The following CDKL2 variants were observed in gnomAD, a reference collection of about 807,000 sequenced individuals.
CDKL2 encodes the protein cyclin dependent kinase like 2.
A neutral mutation model predicts 63.9 loss-of-function variants in CDKL2; 64 were observed. The ratio of observed to expected loss-of-function variants is 1.00; its 90% CI spans 0.82 to 1.23. The LOEUF is 1.23. Ranked by LOEUF, CDKL2 falls within the 50% of genes most tolerant of loss-of-function variation. The pLI is 0.00. For synonymous variants in CDKL2, 211 were observed against 229.2 expected, an observed-to-expected ratio of 0.92 and a Z score of 0.72; for missense variants, 656 against 668.0, an observed-to-expected ratio of 0.98 and a Z score of 0.20.
chr4:75,592,028 A>G, intron 11 of CDKL2, 103 bp from the exon 12 acceptor site: 1 of 1,267,726 alleles, frequency 7.9e-7, no homozygotes, highest in Non-Finnish European at 1.1e-6. Flanking sequence ...TTATTATAAC[A>G]GGTATTTACA....
At chr4:75,606,440 C>A (rs1729429167) in intron 4 of CDKL2, among the ~76,000 whole-genome samples, 1 of 152,138 alleles carries the variant, frequency 6.6e-6, no homozygotes, top group African/African-American at 2.4e-5. Flanking sequence ...GTCTTGAACT[C>A]CTGACCTCAT....
chr4:75,603,746 A>G, intron 6 of CDKL2, 71 bp downstream of exon 6: 1 of 457,524 alleles, frequency 2.2e-6, no homozygotes, highest in Non-Finnish European at 3.2e-6. Flanking sequence ...TAGACAAGTA[A>G]AAAAAAAAAA....
rs2148850496 is a variant in CDKL2, at chr4:75,576,993, CAA to C, written c.*2207_*2208del. Among the ~76,000 whole-genome samples, 1 of 152,182 alleles carries C rather than the reference CAA, an allele frequency of 6.6e-6. No homozygotes were observed. Among genetic ancestry groups the C allele is most frequent in the Admixed American group, 6.5e-5 (1 of 15,280 alleles). On this transcript the variant is annotated 3_prime_UTR_variant, in exon 14 of 14. Transcript: ENST00000307465. Reference sequence around the variant, plus strand: ...AAAATTAGCTTGCCATCCCTACATCCAAAGTTTTCCAGAAGAATTAACAGATT... The same window carrying C: ...AAAATTAGCTTGCCATCCCTACATCCAGTTTTCCAGAAGAATTAACAGATT...
intron 12 of CDKL2, among the ~76,000 whole-genome samples, chr4:75,584,412 C>G (rs1282954720): frequency 1.3e-5 from 2 of 152,154 alleles, no homozygotes; most frequent in Non-Finnish European, 2.9e-5. Flanking sequence ...CCCAACAACC[C>G]AAGTGAACCT....
chr4:75,603,694 G>A (rs1347131874), intron 6 of CDKL2, 123 bp downstream of exon 6: 2 of 677,306 alleles, frequency 3.0e-6, no homozygotes, highest in Non-Finnish European at 2.3e-6. Context: ...CAGCCTGTGT[G>A]ACAGAGCAAG....
At chr4:75,627,731 C>CTTT (rs57328528) in intron 1 of CDKL2, among the ~76,000 whole-genome samples, 1,263 of 86,002 alleles carry the variant, frequency 0.015, 38 homozygotes, top group Middle Eastern at 0.027. Context: ...CTTTTTTTTT[C>CTTT]TTTTTTTTTT....
intron 3 of CDKL2, among the ~76,000 whole-genome samples, chr4:75,611,458 C>CAA (rs71203834): frequency 2.0e-3 from 150 of 75,668 alleles, no homozygotes; most frequent in East Asian, 3.8e-3. Flanking sequence ...GATTCTGTCT[C>CAA]AAAAAAAAAA....
At position 75,603,920 on chromosome 4, in the gene CDKL2, T is replaced by C. The variant is rs1409447181; in HGVS notation, c.692A>G (p.Lys231Arg). Residue 231 changes from lysine (K) to arginine (R), a missense_variant, in exon 6 of 14, where the codon AAA (lysine) becomes AGA (arginine). Lys to Arg is a conservative substitution (Grantham distance 26, BLOSUM62 2). Transcript: ENST00000307465. ...CCTTACTCCAGCAAACACAGGATTTTTATTAAAAAGCTCCTGATGCCTTGG... is the reference window on the plus strand; with the variant it reads ...CCTTACTCCAGCAAACACAGGATTTCTATTAAAAAGCTCCTGATGCCTTGG... ...LIPRHQELFNKNPVFAGVRLP... is the reference protein window; with the variant it reads ...LIPRHQELFNRNPVFAGVRLP... 1.9e-6 allele frequency: 3 copies of C among 1,612,372 alleles called. No homozygotes were observed. Among genetic ancestry groups the C allele is most frequent in the African/African-American group, 2.7e-5 (2 of 74,780 alleles).
intron 3 of CDKL2, among the ~76,000 whole-genome samples, chr4:75,611,551 T>G (rs1729694349): frequency 6.6e-6 from 1 of 151,478 alleles, no homozygotes; most frequent in Non-Finnish European, 1.5e-5. Context: ...TTGAGACAAG[T>G]GTTCATAAGT....
At chr4:75,609,994 G>C (rs1189061965) in intron 3 of CDKL2, among the ~76,000 whole-genome samples, 2 of 151,822 alleles carry the variant, frequency 1.3e-5, no homozygotes, top group African/African-American at 4.8e-5. Context: ...ACGAGGTCAG[G>C]AGATCGAGAC....
At chr4:75,603,062 C>G (rs1432167753) in intron 6 of CDKL2, among the ~76,000 whole-genome samples, 4 of 138,266 alleles carry the variant, frequency 2.9e-5, no homozygotes, top group African/African-American at 5.4e-5. Context: ...TGCAGTGGCA[C>G]AATCTCGGCT....
chr4:75,611,627 T>C (rs1305150071), intron 3 of CDKL2, among the ~76,000 whole-genome samples: 1 of 151,918 alleles, frequency 6.6e-6, no homozygotes, highest in African/African-American at 2.4e-5. Flanking sequence ...GATATGTAAA[T>C]GTTCTGAAGC....
chr4:75,614,950 T>TATAGTATATATATATATGTATATTA (rs1560590504), intron 2 of CDKL2, among the ~76,000 whole-genome samples: 1 of 148,458 alleles, frequency 6.7e-6, no homozygotes, highest in African/African-American at 2.5e-5. Flanking sequence ...TATTCATATA[T>TATAGTATATATATATATGTATATTA]ATATATACAC....
chr4:75,596,993 C>T lies in CDKL2; in HGVS notation c.1264G>A (p.Val422Ile), dbSNP rs759516059. Reference sequence around the variant, plus strand: ...ATTCCAGAATTAATGCTGGGAGCAACTGCAGAAAGATTGTGTGTAAGTGGG... The same window carrying T: ...ATTCCAGAATTAATGCTGGGAGCAATTGCAGAAAGATTGTGTGTAAGTGGG... ...IPPLTHNLSA[V>I]APSINSGMGT... Residue 422 changes from valine to isoleucine, a missense_variant, in exon 9 of 14, where the codon GTT becomes ATT. Coordinates refer to ENST00000307465, the MANE Select transcript of CDKL2 (RefSeq NM_001330724.2). 6.2e-7 allele frequency: 1 copy of T among 1,614,192 alleles called. No individual in the cohort carries two copies. Among genetic ancestry groups the T allele is most frequent in the Admixed American group, 1.7e-5 (1 of 60,012 alleles).
rs1728029230 is a variant in CDKL2 at position 75,576,513 on chromosome 4, A to G, written c.*2689T>C. Among the ~76,000 whole-genome samples, 1 of 152,226 alleles carries G rather than the reference A, an allele frequency of 6.6e-6. No homozygotes were observed. Among genetic ancestry groups the G allele is most frequent in the African/African-American group, 2.4e-5 (1 of 41,466 alleles). On this transcript the variant is annotated 3_prime_UTR_variant, in exon 14 of 14. Transcript: ENST00000307465. ...AAACAATGTGAGAACATAATTTTTTATTCATATAGATAGAGGAGTGTTAAG... is the reference window on the plus strand; with the variant it reads ...AAACAATGTGAGAACATAATTTTTTGTTCATATAGATAGAGGAGTGTTAAG...
chr4:75,607,365 G>C lies in CDKL2; in HGVS notation c.364-4C>G. On this transcript the variant is annotated splice_polypyrimidine_tract_variant and splice_region_variant and intron_variant, in intron 3 of 13. Transcript: ENST00000307465. ...GCTTTATATCTCTGTGTATGATCTA[G>C]ACAAGAAGCAGAGTGTGACGGATGT... 6.2e-7 allele frequency: 1 copy of C among 1,608,180 alleles called. No individual in the cohort carries two copies. Among genetic ancestry groups the C allele is most frequent in the South Asian group, 1.1e-5 (1 of 90,762 alleles).
chr4:75,607,384 C>A (rs1330325623), intron 3 of CDKL2, 23 bp from the exon 4 acceptor site: 1 of 1,583,084 alleles, frequency 6.3e-7, no homozygotes. Flanking sequence ...CAGAGTGTGA[C>A]GGATGTTAAA....
intron 12 of CDKL2, among the ~76,000 whole-genome samples, chr4:75,585,467 C>T (rs748492933): frequency 6.6e-6 from 1 of 152,012 alleles, no homozygotes; most frequent in Admixed American, 6.6e-5. Flanking sequence ...GTGAGCTGTG[C>T]CTGTAGTCTT....
chr4:75,589,107 A>T (rs1728592022), intron 12 of CDKL2, among the ~76,000 whole-genome samples: 1 of 152,214 alleles, frequency 6.6e-6, no homozygotes, highest in Non-Finnish European at 1.5e-5. Context: ...ACATGAAAAG[A>T]TTCTCAACAT....
Sources: allele counts gnomAD v4.1 joint callset (sites outside exome capture counted in the v4.1 genomes callset), GRCh38; gene constraint gnomAD v4.1.1; transcripts MANE v1.5; gene names NCBI Gene and HGNC (gene_info 2026-07-23, HGNC 2026-07-21).